The following ADARB2 variants were observed in gnomAD, a reference collection of about 807,000 sequenced individuals.
ADARB2 encodes the protein adenosine deaminase RNA specific B2 (inactive), also known as inactive double-stranded RNA-specific editase B2.
Under a neutral mutation model 62.2 loss-of-function variants are expected in ADARB2, and 25 were observed. The observed-to-expected ratio is 0.40, with a 90% confidence interval of 0.29 to 0.56. The LOEUF (loss-of-function observed/expected upper bound fraction) is 0.56. Among genes scored for constraint, ADARB2 ranks in the 20% least tolerant of loss-of-function variants. The pLI, the probability that ADARB2 is intolerant of heterozygous loss-of-function variation, is 0.43. For missense variants in ADARB2, 1,071 were observed against 1,077.4 expected (o/e 0.99, Z 0.08); for synonymous variants, 572 against 500.8 (o/e 1.14, Z -1.90).
At chr10:1,201,237 G>T (rs916709917) in intron 7 of ADARB2, among the ~76,000 whole-genome samples, 2 of 152,160 alleles carry the variant, frequency 1.3e-5, no homozygotes, top group African/African-American at 4.8e-5. Flanking sequence ...TGGGGGTTTC[G>T]GGGAGCCGCT....
intron 4 of ADARB2, among the ~76,000 whole-genome samples, chr10:1,262,722 G>C (rs1831154076): frequency 6.6e-6 from 1 of 152,202 alleles, no homozygotes. Context: ...AGTCAGTGTG[G>C]CGATTCCTCA....
chr10:1,308,240 A>G (rs924161395), intron 3 of ADARB2, among the ~76,000 whole-genome samples: 4 of 152,118 alleles, frequency 2.6e-5, no homozygotes, highest in Non-Finnish European at 5.9e-5. Context: ...TGCCTTTTCC[A>G]GAATGTCCTG....
chr10:1,289,527 G>A (rs973681697), intron 3 of ADARB2, among the ~76,000 whole-genome samples: 5 of 152,256 alleles, frequency 3.3e-5, no homozygotes, highest in Non-Finnish European at 7.3e-5. Context: ...CAGGAAGCCC[G>A]AGTCTGCCAC....
intron 1 of ADARB2, among the ~76,000 whole-genome samples, chr10:1,498,808 A>G (rs1399724182): frequency 6.6e-6 from 1 of 152,232 alleles, no homozygotes; most frequent in Non-Finnish European, 1.5e-5. Flanking sequence ...CTTACTCATC[A>G]TTCATTCATT....
intron 8 of ADARB2, chr10:1,186,412 T>G (rs994501008): frequency 4.0e-6 from 2 of 494,006 alleles, no homozygotes; most frequent in African/African-American, 3.9e-5. Flanking sequence ...ACAGCAGTGG[T>G]GTTGAGACGC....
intron 1 of ADARB2, among the ~76,000 whole-genome samples, chr10:1,624,350 C>T (rs1325578976): frequency 2.6e-5 from 4 of 152,200 alleles, no homozygotes; most frequent in Admixed American, 6.5e-5. Flanking sequence ...GGGTTCTCCT[C>T]GTATTATCTG....
At chr10:1,240,012 G>T (rs62650667) in intron 5 of ADARB2, among the ~76,000 whole-genome samples, 2 of 2,494 alleles carry the variant, frequency 8.0e-4, no homozygotes, top group Non-Finnish European at 1.3e-3. Flanking sequence ...ACTCCCCTCT[G>T]CCTCCCGGTG....
rs905518038 is a variant in ADARB2 at position 1,255,450 on chromosome 10, A to G, written c.1193-13151T>C. On this transcript the variant is annotated intron_variant, in intron 4 of 9. Transcript: ENST00000381312. The surrounding 1 kb of genome is among the most constrained non-coding windows in gnomAD (Gnocchi z 4.7). Reference sequence around the variant, plus strand: ...ACTCCACATAACATACAACACGACAAAGGCATTGAGAGAGCCCAGAAACCA... The same window carrying G: ...ACTCCACATAACATACAACACGACAGAGGCATTGAGAGAGCCCAGAAACCA... 3.9e-5 allele frequency among the ~76,000 whole-genome samples: 6 copies of G among 152,210 alleles called. No homozygotes were observed. Among genetic ancestry groups the G allele is most frequent in the African/African-American group, 1.4e-4 (6 of 41,456 alleles).
intron 3 of ADARB2, among the ~76,000 whole-genome samples, chr10:1,283,523 A>T (rs1160101951): frequency 6.6e-6 from 1 of 152,178 alleles, no homozygotes; most frequent in Non-Finnish European, 1.5e-5. Flanking sequence ...AGCCTATGGC[A>T]CATGCCCTCC....
At chr10:1,396,662 C>A (rs1181377565) in intron 1 of ADARB2, among the ~76,000 whole-genome samples, 2 of 149,180 alleles carry the variant, frequency 1.3e-5, no homozygotes, top group African/African-American at 5.0e-5. Flanking sequence ...CTCCTCTCCC[C>A]TCCCGAGTGC....
chr10:1,542,015 T>C (rs145704876), intron 1 of ADARB2, among the ~76,000 whole-genome samples: 501 of 24,038 alleles, frequency 0.021, 11 homozygotes, highest in East Asian at 0.098. Flanking sequence ...ATCACAGCCG[T>C]CCAGACCCCA....
intron 3 of ADARB2, chr10:1,292,131 A>T (rs1273692108): frequency 1.3e-5 from 2 of 152,250 alleles, no homozygotes; most frequent in Non-Finnish European, 2.9e-5. Flanking sequence ...GTTTCCAGAT[A>T]GTCTGGGAGT....
chr10:1,207,297 G>T (rs913868340), intron 7 of ADARB2, among the ~76,000 whole-genome samples: 5 of 152,146 alleles, frequency 3.3e-5, no homozygotes, highest in African/African-American at 1.2e-4. Flanking sequence ...AGTGAGCCGG[G>T]ATCACGCCAT....
At chr10:1,318,250 G>A (rs1295754150) in intron 3 of ADARB2, among the ~76,000 whole-genome samples, 5 of 152,064 alleles carry the variant, frequency 3.3e-5, no homozygotes, top group South Asian at 4.2e-4. Flanking sequence ...GACGGATCCT[G>A]TAACAGGAAC....
In ADARB2 at chr10:1,183,991, G is replaced by A. The variant is rs77113462; in HGVS notation, c.2044-622C>T. On this transcript the variant is annotated intron_variant, in intron 9 of 9. Transcript: ENST00000381312. ...TTTTGCTCAGCAGGACAGCATCGAC[G>A]CTTCCCTGACCTTCCAAGTCTCCAG... Among the ~76,000 whole-genome samples, 563 of 152,306 alleles carry A rather than the reference G, an allele frequency of 3.7e-3. 9 individuals are homozygous for A. The East Asian group carries it at 0.041, about 11-fold the overall frequency.
intron 9 of ADARB2, among the ~76,000 whole-genome samples, 198 bp from the exon 10 acceptor site, chr10:1,183,567 T>G (rs1836709711): frequency 6.6e-6 from 1 of 152,226 alleles, no homozygotes; most frequent in South Asian, 2.1e-4. Flanking sequence ...CCGCTTCATC[T>G]GAGGTGTGAA....
chr10:1,197,364 G>A (rs72760995), intron 8 of ADARB2, among the ~76,000 whole-genome samples: 26,964 of 152,152 alleles, frequency 0.18, 2,772 homozygotes, highest in East Asian at 0.3. Context: ...AATTTCAGAA[G>A]CTATTAGTAT....
intron 1 of ADARB2, among the ~76,000 whole-genome samples, chr10:1,570,757 G>A (rs2676760): frequency 0.35 from 53,354 of 151,974 alleles, 10,105 homozygotes; most frequent in African/African-American, 0.5. Context: ...TGTAGTGGCT[G>A]GGAGGACGGG....
rs565062794 is a variant in ADARB2 at position 1,634,040 on chromosome 10, C to G, written c.100+103011G>C. Among the ~76,000 whole-genome samples, 27 of 152,356 alleles carry G rather than the reference C, an allele frequency of 1.8e-4. No homozygotes were observed. The East Asian group carries it at 4.6e-3, about 26-fold the overall frequency. ...CACACCTCCCTTGATCTGCACATTT[C>G]TGCTGCCGGCTGTGCTGTGGCTCCT... On this transcript the variant is annotated intron_variant, in intron 1 of 9. Transcript: ENST00000381312.
Sources: allele counts gnomAD v4.1 joint callset (sites outside exome capture counted in the v4.1 genomes callset), GRCh38; gene constraint gnomAD v4.1.1; non-coding constraint Gnocchi (gnomAD v3.1); transcripts MANE v1.5; gene names NCBI Gene and HGNC (gene_info 2026-07-23, HGNC 2026-07-21).